Variants in TACC1 observed in about 807,000 individuals in gnomAD.
TACC1 encodes the protein transforming acidic coiled-coil containing protein 1, also known as transforming acidic coiled-coil-containing protein 1.
TACC1 carries 48 observed loss-of-function variants against 84.4 expected under a neutral mutation model. The observed-to-expected ratio is 0.57, with a 90% confidence interval of 0.45 to 0.72. TACC1 has a LOEUF of 0.72. TACC1 is among the 30% of genes least tolerant of loss of function. TACC1 has a pLI of 0.00. For synonymous variants in TACC1, 372 were observed against 376.3 expected, an observed-to-expected ratio of 0.99 and a Z score of 0.13; for missense variants, 920 against 973.0, an observed-to-expected ratio of 0.95 and a Z score of 0.72.
rs1832986772 is a variant in TACC1, at chr8:38,850,803, A to G, written c.*2780A>G. 6.8e-6 allele frequency: 1 copy of G among 146,002 alleles called. No homozygotes were observed. The highest frequency in any genetic ancestry group is 2.1e-4 in the South Asian group (1 of 4,652). The allele number at this position is 146,002 out of a possible 1,614,324, so 9.0% of individuals were successfully genotyped here. On this transcript the variant is annotated 3_prime_UTR_variant, in exon 13 of 13. Coordinates refer to ENST00000317827, the MANE Select transcript of TACC1 (RefSeq NM_006283.3). ...AAAAAAAAAAAAAAAAAAAAAAACC[A>G]GGAGTGAAAAAGGAAAGTAGAAGGC... is the stretch of plus-strand genomic sequence containing the variant.
intron 11 of TACC1, chr8:38,846,356 G>C (rs901807904): frequency 6.4e-6 from 1 of 155,714 alleles, no homozygotes; most frequent in Non-Finnish European, 1.4e-5. Flanking sequence ...CTGTAGGCCC[G>C]TGTCTCACAG....
chr8:38,815,036 T>G (rs1649613041), intron 2 of TACC1, among the ~76,000 whole-genome samples: 1 of 152,242 alleles, frequency 6.6e-6, no homozygotes, highest in Admixed American at 6.5e-5. Context: ...TAAAATAGTT[T>G]TCTAGATGGA....
intron 11 of TACC1, chr8:38,846,440 A>T (rs1404340476): frequency 4.4e-5 from 4 of 90,832 alleles, no homozygotes; most frequent in Middle Eastern, 5.3e-3. Flanking sequence ...GTACTGGTCT[A>T]AAAAAAAAAA....
chr8:38,737,206 C>T (rs2151643592), intron 1 of TACC1, among the ~76,000 whole-genome samples: 1 of 152,312 alleles, frequency 6.6e-6, no homozygotes, highest in South Asian at 2.1e-4. Flanking sequence ...GACTTCTCCT[C>T]CGTGCCTCCC....
rs756740414 is a variant in TACC1, at chr8:38,851,589, C to T, written c.*3566C>T. 3 of 194,692 alleles carry T rather than the reference C, an allele frequency of 1.5e-5. No homozygotes were observed. The highest frequency in any genetic ancestry group is 3.3e-5 in the Non-Finnish European group (3 of 91,818). 12.1% of individuals were successfully genotyped at this position (194,692 alleles called of 1,614,324 possible). On this transcript the variant is annotated 3_prime_UTR_variant, in exon 13 of 13. Coordinates refer to ENST00000317827, the MANE Select transcript of TACC1 (RefSeq NM_006283.3). ...AGTTCTGAAGCCCCCTTTTAACTTCCTCTTGGTTTTTCATTATAATTGGTA... is the reference window on the plus strand; with the variant it reads ...AGTTCTGAAGCCCCCTTTTAACTTCTTCTTGGTTTTTCATTATAATTGGTA...
chr8:38,808,046 T>G (rs1041351293), intron 2 of TACC1, among the ~76,000 whole-genome samples: 2 of 152,240 alleles, frequency 1.3e-5, no homozygotes, highest in African/African-American at 2.4e-5. Context: ...AATTTTGGTC[T>G]ATTTGTGGAT....
chr8:38,804,846 C>T (rs1329087837), intron 2 of TACC1, among the ~76,000 whole-genome samples: 2 of 152,122 alleles, frequency 1.3e-5, no homozygotes, highest in Non-Finnish European at 2.9e-5. Flanking sequence ...CAAGTGATCC[C>T]CCCTACTTAG....
intron 2 of TACC1, among the ~76,000 whole-genome samples, chr8:38,793,785 A>G (rs914417354): frequency 1.3e-5 from 2 of 152,164 alleles, no homozygotes; most frequent in Non-Finnish European, 2.9e-5. Flanking sequence ...ATACTCATTC[A>G]TTCATGTATT....
At chr8:38,775,750 A>G (rs1405788290) in intron 3 of TACC1, among the ~76,000 whole-genome samples, 1 of 152,222 alleles carries the variant, frequency 6.6e-6, no homozygotes, top group African/African-American at 2.4e-5. Context: ...TTGTTCAGAA[A>G]ATAATGTAAA....
chr8:38,787,417 G>A lies in TACC1; in HGVS notation c.-166G>A. The A allele has an allele frequency of 1.5e-6, 2 of 1,351,484 alleles. No individual in the cohort carries two copies. The highest frequency in any genetic ancestry group is 1.8e-5 in the South Asian group (1 of 54,514). The allele number at this position is 1,351,484 out of a possible 1,614,324, so 83.7% of individuals were successfully genotyped here. On this transcript the variant is annotated 5_prime_UTR_variant, in exon 1 of 13. Coordinates refer to ENST00000317827, the MANE Select transcript of TACC1 (RefSeq NM_006283.3). ...ACGCAGCGCCGGCTGCCGGCGGGAGGAAGCGCTCCACCAGGGCCCCCGACG... is the reference window on the plus strand; with the variant it reads ...ACGCAGCGCCGGCTGCCGGCGGGAGAAAGCGCTCCACCAGGGCCCCCGACG...
chr8:38,759,345 A>G (rs1024706577), intron 3 of TACC1, among the ~76,000 whole-genome samples: 2 of 152,234 alleles, frequency 1.3e-5, no homozygotes, highest in African/African-American at 4.8e-5. Flanking sequence ...TTAGCTGAGG[A>G]TGAAAGTTGA....
In TACC1 at chr8:38,739,492, A is replaced by C. The variant is rs564434033; in HGVS notation, c.-674-2859A>C. Among the ~76,000 whole-genome samples, 8 of 152,328 alleles carry C rather than the reference A, an allele frequency of 5.3e-5. No homozygotes were observed. The South Asian group carries it at 1.5e-3, about 28-fold the overall frequency. ...CCTTTCGTCTTAACGGACTCCACTC[A>C]TTCCTAAAGTTACTTAGGTCAACAG... On this transcript the variant is annotated intron_variant, in intron 1 of 14. Coordinates refer to the TACC1 transcript ENST00000518415.
chr8:38,739,042 C>A (rs887071824), intron 1 of TACC1, among the ~76,000 whole-genome samples: 1 of 152,154 alleles, frequency 6.6e-6, no homozygotes, highest in African/African-American at 2.4e-5. Flanking sequence ...AGGCACCTGC[C>A]AACATGCCCG....
At chr8:38,814,799 T>C (rs983797771) in intron 2 of TACC1, among the ~76,000 whole-genome samples, 3 of 152,170 alleles carry the variant, frequency 2.0e-5, no homozygotes, top group Admixed American at 1.3e-4. Flanking sequence ...AAAAAATCCA[T>C]TGGAAAACAA....
Position 38,820,354 on chromosome 8 carries a change from A to G in TACC1, c.1110A>G (p.Pro370=). 1 of 1,614,202 alleles carries G rather than the reference A, an allele frequency of 6.2e-7. No individual in the cohort carries two copies. The highest frequency in any genetic ancestry group is 8.5e-7 in the Non-Finnish European group (1 of 1,180,032). Residue 370 remains proline (P), a synonymous_variant, in exon 3 of 13, where the codon CCA becomes CCG. Coordinates refer to ENST00000317827, the MANE Select transcript of TACC1 (RefSeq NM_006283.3). ...KSAGLEQPTD[P]VARDGPLSQT... ...CAGGTTTAGAACAGCCTACAGACCC[A>G]GTGGCACGAGACGGGCCTCTCTCCC...
chr8:38,846,603 C>A, intron 11 of TACC1, 96 bp from the exon 12 acceptor site: 1 of 1,436,810 alleles, frequency 7.0e-7, no homozygotes, highest in Non-Finnish European at 9.4e-7. Context: ...GAGGCCTGTG[C>A]CTCACAGATG....
At position 38,820,423 on chromosome 8, in the gene TACC1, C is replaced by T; in HGVS notation, c.1179C>T (p.Ser393=). 6.2e-7 allele frequency: 1 copy of T among 1,614,184 alleles called. No homozygotes were observed. Among genetic ancestry groups the T allele is most frequent in the Non-Finnish European group, 8.5e-7 (1 of 1,180,034 alleles). ...KPDPSQWESP[S]FNPFGSHSVL... Reference sequence around the variant, plus strand: ...ATCCTAGTCAGTGGGAAAGCCCCAGCTTCAACCCCTTTGGGAGCCACTCTG... The same window carrying T: ...ATCCTAGTCAGTGGGAAAGCCCCAGTTTCAACCCCTTTGGGAGCCACTCTG... Residue 393 remains serine, a synonymous_variant, in exon 3 of 13, where the codon AGC becomes AGT. Transcript: ENST00000317827.
intron 3 of TACC1, among the ~76,000 whole-genome samples, chr8:38,822,078 T>TA (rs564053687): frequency 1.9e-4 from 29 of 151,736 alleles, no homozygotes; most frequent in Non-Finnish European, 3.8e-4. Flanking sequence ...CCCTGTCTCT[T>TA]AAAAAAATTT....
intron 2 of TACC1, among the ~76,000 whole-genome samples, chr8:38,800,843 C>T (rs1427279385): frequency 6.6e-6 from 1 of 152,158 alleles, no homozygotes; most frequent in Non-Finnish European, 1.5e-5. Context: ...AAACTGGCTG[C>T]ACTATTTTAC....
Sources: allele counts gnomAD v4.1 joint callset (sites outside exome capture counted in the v4.1 genomes callset), GRCh38; gene constraint gnomAD v4.1.1; transcripts MANE v1.5; gene names NCBI Gene and HGNC (gene_info 2026-07-23, HGNC 2026-07-21).